The following PTPRG variants were observed in gnomAD, a reference collection of about 807,000 sequenced individuals.
PTPRG encodes the protein receptor-type tyrosine-protein phosphatase gamma.
PTPRG carries 102 observed loss-of-function variants against 165.3 expected under a neutral mutation model. That is an observed-to-expected ratio of 0.62 (90% CI 0.53 to 0.73). The LOEUF (loss-of-function observed/expected upper bound fraction) is 0.73, where lower values mean the gene tolerates loss of function less well. PTPRG is among the 30% of genes least tolerant of loss of function. The probability of loss-of-function intolerance (pLI) is 0.00; values close to 1 mark genes in which losing one functional copy is unlikely to be tolerated. For synonymous variants in PTPRG, 675 were observed against 669.5 expected, an observed-to-expected ratio of 1.01 and a Z score of -0.13; for missense variants, 1,866 against 1,861.4, an observed-to-expected ratio of 1.00 and a Z score of -0.05.
intron 2 of PTPRG, among the ~76,000 whole-genome samples, chr3:61,813,854 T>TA (rs2035672255): frequency 6.6e-6 from 1 of 151,700 alleles, no homozygotes; most frequent in Admixed American, 6.6e-5. Context: ...TTTCACATAT[T>TA]ACATTAATTC....
chr3:62,267,403 TC>T lies in PTPRG; in HGVS notation c.2657-6del, dbSNP rs1259330877. 1 of 1,586,212 alleles carries T rather than the reference TC, an allele frequency of 6.3e-7. No individual in the cohort carries two copies. Reference sequence around the variant, plus strand: ...TTATTTCTGTTTTTTTTTCTTATCTTCTATAGATGATCACAGTAGGGTGAAG... The same window carrying T: ...TTATTTCTGTTTTTTTTTCTTATCTTTATAGATGATCACAGTAGGGTGAAG... On this transcript the variant is annotated splice_region_variant and splice_polypyrimidine_tract_variant and intron_variant, in intron 17 of 29. Coordinates refer to ENST00000474889, the MANE Select transcript of PTPRG (RefSeq NM_002841.4).
intron 7 of PTPRG, among the ~76,000 whole-genome samples, chr3:62,166,252 G>T: frequency 1.0e-5 from 1 of 98,478 alleles, no homozygotes; most frequent in African/African-American, 3.9e-5. Context: ...GAATAACTTT[G>T]TGGCCTGTTG....
At chr3:61,817,342 A>G (rs1421149890) in intron 2 of PTPRG, among the ~76,000 whole-genome samples, 1 of 148,324 alleles carries the variant, frequency 6.7e-6, no homozygotes, top group Non-Finnish European at 1.5e-5. Flanking sequence ...GTAGGGGGAG[A>G]TTTTTATTTT....
chr3:61,989,771 A>G lies in PTPRG; in HGVS notation c.337A>G (p.Asn113Asp). 6.2e-7 allele frequency: 1 copy of G among 1,614,126 alleles called. No homozygotes were observed. Among genetic ancestry groups the G allele is most frequent in the South Asian group, 1.1e-5 (1 of 91,080 alleles). Reference protein sequence around the residue: ...QLDGFDNESSNKTWMKNTGKT... With the variant: ...QLDGFDNESSDKTWMKNTGKT... ...CGATGGCTTCGACAATGAGTCTTCT[A>G]ACAAAACCTGGATGAAAAACACAGG... Residue 113 changes from asparagine to aspartate, a missense_variant, in exon 3 of 30, where the codon AAC becomes GAC. Transcript: ENST00000474889.
rs527459485 is a variant in PTPRG at position 62,029,407 on chromosome 3, A to G, written c.519+25910A>G. On this transcript the variant is annotated intron_variant, in intron 4 of 29. Transcript: ENST00000474889. ...ATTTAAAGATGGGCTCATTATCAAAAGGTGACCAGAGGTATCTGCTTACAA... is the reference window on the plus strand; with the variant it reads ...ATTTAAAGATGGGCTCATTATCAAAGGGTGACCAGAGGTATCTGCTTACAA... Among the ~76,000 whole-genome samples the G allele has an allele frequency of 2.6e-5, 4 of 152,354 alleles. No homozygotes were observed. The South Asian group carries it at 8.3e-4, about 32-fold the overall frequency.
At chr3:61,816,361 C>G (rs1418424604) in intron 2 of PTPRG, among the ~76,000 whole-genome samples, 1 of 152,130 alleles carries the variant, frequency 6.6e-6, no homozygotes, top group African/African-American at 2.4e-5. Context: ...GAAACTCCAT[C>G]TCTGCTAAAA....
rs570367202 is a variant in PTPRG, at chr3:62,254,692, GCTTAA to G, written c.2468-431_2468-427del. On this transcript the variant is annotated intron_variant, in intron 15 of 29. Coordinates refer to ENST00000474889, the MANE Select transcript of PTPRG (RefSeq NM_002841.4). This position sits in a 1 kb window ranked among gnomAD's most constrained non-coding sequence, Gnocchi z 4.6. The stretch of plus-strand genomic sequence containing the variant: ...ATAAGATTGGAAATAGAACTTAATT[GCTTAA>G]AGTTCAAGCTGGACTCCATTGAACA... Among the ~76,000 whole-genome samples the G allele has an allele frequency of 1.5e-4, 23 of 151,904 alleles. No homozygotes were observed. In the South Asian group the frequency reaches 4.0e-3, roughly 26 times the overall value.
intron 1 of PTPRG, among the ~76,000 whole-genome samples, chr3:61,695,706 G>C (rs975604871): frequency 1.3e-5 from 2 of 152,218 alleles, no homozygotes; most frequent in African/African-American, 4.8e-5. Context: ...GATATGATGA[G>C]TTCTACAGCT....
rs1700447396 is a variant in PTPRG, at chr3:62,214,426, A to G, written c.2156-4425A>G. The stretch of plus-strand genomic sequence containing the variant: ...TGTTTTGTATGCATTAACTCATTTA[A>G]TCTTCATCCCACCACAATGCCGTAT... On this transcript the variant is annotated intron_variant, in intron 12 of 29. Coordinates refer to ENST00000474889, the MANE Select transcript of PTPRG (RefSeq NM_002841.4). The surrounding 1 kb of genome is among the most constrained non-coding windows in gnomAD (Gnocchi z 5.2). 6.6e-6 allele frequency among the ~76,000 whole-genome samples: 1 copy of G among 152,304 alleles called. No individual in the cohort carries two copies. The highest frequency in any genetic ancestry group is 1.5e-5 in the Non-Finnish European group (1 of 68,026).
chr3:61,735,960 C>T (rs556020920), intron 1 of PTPRG, among the ~76,000 whole-genome samples: 2 of 149,624 alleles, frequency 1.3e-5, no homozygotes, highest in Non-Finnish European at 3.0e-5. Context: ...CAGGCTGGAG[C>T]GCAGTGGCGT....
intron 1 of PTPRG, among the ~76,000 whole-genome samples, chr3:61,601,296 C>A (rs1194190185): frequency 6.6e-6 from 1 of 152,122 alleles, no homozygotes; most frequent in Non-Finnish European, 1.5e-5. Context: ...AGGAGCTTTT[C>A]TGAATCAGGG....
intron 14 of PTPRG, among the ~76,000 whole-genome samples, chr3:62,242,805 G>A (rs985728294): frequency 3.3e-5 from 5 of 152,090 alleles, no homozygotes; most frequent in African/African-American, 1.2e-4. Context: ...TGGAATACGG[G>A]CCCCAGAAAA....
chr3:61,881,795 C>A (rs1284700901), intron 2 of PTPRG, among the ~76,000 whole-genome samples: 1 of 152,176 alleles, frequency 6.6e-6, no homozygotes, highest in East Asian at 1.9e-4. Context: ...CCTGATGAGC[C>A]TCTTCAGAAC....
rs1301885887 is a variant in PTPRG at position 61,598,003 on chromosome 3, G to T, written c.85+35631G>T. On this transcript the variant is annotated intron_variant, in intron 1 of 29. Coordinates refer to ENST00000474889, the MANE Select transcript of PTPRG (RefSeq NM_002841.4). ...CAAGATACGGCTTTGAAACTGAGGG[G>T]CACTGGCTATGGGAAGGAACCGCTG... 5.3e-5 allele frequency among the ~76,000 whole-genome samples: 8 copies of T among 152,254 alleles called. 1 individual carries two copies. In the South Asian group the frequency reaches 1.0e-3, roughly 20 times the overall value.
chr3:61,941,253 G>C (rs1192711001), intron 2 of PTPRG, among the ~76,000 whole-genome samples: 2 of 152,256 alleles, frequency 1.3e-5, no homozygotes, highest in African/African-American at 2.4e-5. Flanking sequence ...GCTTCGCCCA[G>C]TGCCTGAAAT....
intron 4 of PTPRG, among the ~76,000 whole-genome samples, chr3:62,036,071 T>C (rs1468314): frequency 0.45 from 67,844 of 150,924 alleles, 15,998 homozygotes; most frequent in African/African-American, 0.56. Context: ...ATCCTGCCAC[T>C]GTGGAGCTTC....
chr3:61,722,306 C>A (rs2032084964), intron 1 of PTPRG, among the ~76,000 whole-genome samples: 1 of 152,140 alleles, frequency 6.6e-6, no homozygotes, highest in South Asian at 2.1e-4. Flanking sequence ...ATAATCCATT[C>A]ATGAGGCTGA....
At chr3:61,602,229 T>C (rs541860375) in intron 1 of PTPRG, among the ~76,000 whole-genome samples, 1 of 152,270 alleles carries the variant, frequency 6.6e-6, no homozygotes, top group South Asian at 2.1e-4. Flanking sequence ...GGGTTGAGAC[T>C]GTACCTGTCT....
At chr3:61,803,870 C>G (rs1010918503) in intron 2 of PTPRG, among the ~76,000 whole-genome samples, 1 of 152,148 alleles carries the variant, frequency 6.6e-6, no homozygotes, top group Non-Finnish European at 1.5e-5. Context: ...GTCTTTTATA[C>G]TTGCTCTAGG....
Sources: allele counts gnomAD v4.1 joint callset (sites outside exome capture counted in the v4.1 genomes callset), GRCh38; gene constraint gnomAD v4.1.1; non-coding constraint Gnocchi (gnomAD v3.1); transcripts MANE v1.5; gene names NCBI Gene and HGNC (gene_info 2026-07-23, HGNC 2026-07-21).